NEGR1: variants seen among roughly 807,000 people sequenced by gnomAD.
NEGR1 encodes IgLON family member 4.
A neutral mutation model predicts 40.9 loss-of-function variants in NEGR1; 10 were observed. The observed-to-expected ratio is 0.24, with a 90% confidence interval of 0.15 to 0.42. The LOEUF is 0.42. Among genes scored for constraint, NEGR1 ranks in the 10% least tolerant of loss-of-function variants. The pLI, the probability that NEGR1 is intolerant of heterozygous loss-of-function variation, is 1.00. For missense variants in NEGR1, 352 were observed against 438.9 expected (o/e 0.80, Z 1.77); for synonymous variants, 185 against 166.8 (o/e 1.11, Z -0.84).
chr1:71,570,768 C>G lies in NEGR1; in HGVS notation c.940+22049G>C, dbSNP rs143555505. ...ACCAATTAAATTTGTTCAAACAAGT[C>G]ATCATAGTTTATAGGAGAAAATTAA... On this transcript the variant is annotated intron_variant, in intron 6 of 6. Coordinates refer to ENST00000357731, the MANE Select transcript of NEGR1 (RefSeq NM_173808.3). Among the ~76,000 whole-genome samples, 223 of 152,142 alleles carry G rather than the reference C, an allele frequency of 1.5e-3. 1 individual carries two copies. Among genetic ancestry groups the G allele is most frequent in the African/African-American group, 5.2e-3 (214 of 41,498 alleles).
At chr1:72,106,331 C>A (rs1649132271) in intron 1 of NEGR1, among the ~76,000 whole-genome samples, 1 of 151,904 alleles carries the variant, frequency 6.6e-6, no homozygotes, top group African/African-American at 2.4e-5. Context: ...ATGTTAGAAC[C>A]CTCAAATTCA....
chr1:71,424,168 A>G, intron 6 of NEGR1, among the ~76,000 whole-genome samples: 1 of 152,162 alleles, frequency 6.6e-6, no homozygotes, highest in East Asian at 1.9e-4. Flanking sequence ...TGATTAATCA[A>G]TTCAATCAAT....
At chr1:71,496,042 G>C (rs1281980259) in intron 6 of NEGR1, among the ~76,000 whole-genome samples, 2 of 152,076 alleles carry the variant, frequency 1.3e-5, no homozygotes, top group African/African-American at 4.8e-5. Flanking sequence ...AATTTTATAT[G>C]AGCAAGACCA....
In NEGR1 at chr1:71,698,008, A is replaced by G; in HGVS notation, c.667T>C (p.Phe223Leu). The change falls in exon 4 of 7, where the codon TTT (phenylalanine) becomes CTT (leucine). Residue 223 changes from phenylalanine (F) to leucine (L), a missense_variant and splice_region_variant. Coordinates refer to ENST00000357731, the MANE Select transcript of NEGR1 (RefSeq NM_173808.3). ...DVRKVKVVVN[F>L]APTIQEIKSG... ...CTTGATAAAAGGTGATGACACTTACAGTTGACAACAACTTTTACTTTCCTC... is the reference window on the plus strand; with the variant it reads ...CTTGATAAAAGGTGATGACACTTACGGTTGACAACAACTTTTACTTTCCTC... The G allele has an allele frequency of 6.2e-7, 1 of 1,610,444 alleles. No homozygotes were observed.
chr1:71,555,724 T>C (rs1426657144), intron 6 of NEGR1, among the ~76,000 whole-genome samples: 1 of 151,600 alleles, frequency 6.6e-6, no homozygotes, highest in African/African-American at 2.4e-5. Context: ...AGTAAGACTG[T>C]ATGTATTCCC....
At chr1:71,421,716 A>C (rs924547680) in intron 6 of NEGR1, among the ~76,000 whole-genome samples, 1 of 152,106 alleles carries the variant, frequency 6.6e-6, no homozygotes, top group African/African-American at 2.4e-5. Context: ...GTAAGACTTA[A>C]AGAAAGCAAG....
At chr1:72,225,468 TC>T (rs1002427388) in intron 1 of NEGR1, among the ~76,000 whole-genome samples, 2 of 151,726 alleles carry the variant, frequency 1.3e-5, no homozygotes, top group African/African-American at 4.8e-5. Flanking sequence ...AAATTATTTT[TC>T]AATGTATTTA....
At chr1:72,202,181 A>G (rs1024881297) in intron 1 of NEGR1, among the ~76,000 whole-genome samples, 3 of 151,966 alleles carry the variant, frequency 2.0e-5, no homozygotes, top group African/African-American at 7.2e-5. Flanking sequence ...ATCATGAACC[A>G]TGCTCATATA....
intron 1 of NEGR1, among the ~76,000 whole-genome samples, chr1:72,233,015 G>T (rs1654424824): frequency 6.6e-6 from 1 of 152,146 alleles, no homozygotes; most frequent in Admixed American, 6.5e-5. Context: ...ATTGGGTAAA[G>T]ATACCTCTGT....
chr1:72,013,722 G>C (rs1233220355), intron 1 of NEGR1, among the ~76,000 whole-genome samples: 1 of 151,566 alleles, frequency 6.6e-6, no homozygotes, highest in Non-Finnish European at 1.5e-5. Flanking sequence ...TACCAATTTT[G>C]ATGTAGTTAA....
chr1:71,508,699 T>A (rs1647052094), intron 6 of NEGR1, among the ~76,000 whole-genome samples: 1 of 152,160 alleles, frequency 6.6e-6, no homozygotes, highest in Non-Finnish European at 1.5e-5. Flanking sequence ...TGAGATAATG[T>A]ATGGTGGACT....
chr1:72,226,575 A>G (rs1210546851), intron 1 of NEGR1, among the ~76,000 whole-genome samples: 1 of 152,048 alleles, frequency 6.6e-6, no homozygotes, highest in Non-Finnish European at 1.5e-5. Flanking sequence ...ATAAATATGT[A>G]CATTCAAAAT....
At chr1:71,552,261 T>A (rs1487243004) in intron 6 of NEGR1, among the ~76,000 whole-genome samples, 5 of 151,032 alleles carry the variant, frequency 3.3e-5, no homozygotes. Flanking sequence ...AACTCTAATG[T>A]TTTCCTTTAG....
intron 6 of NEGR1, among the ~76,000 whole-genome samples, chr1:71,560,429 T>TATATATATATATA (rs1648410237): frequency 8.8e-6 from 1 of 114,266 alleles, no homozygotes; most frequent in Non-Finnish European, 1.8e-5. Flanking sequence ...TAATTCTCCA[T>TATATATATATATA]TATATATATA....
chr1:72,187,221 TA>T (rs1254647337), intron 1 of NEGR1, among the ~76,000 whole-genome samples: 1 of 151,494 alleles, frequency 6.6e-6, no homozygotes, highest in African/African-American at 2.4e-5. Context: ...CTTCCCTCTA[TA>T]AAGCTCAGCC....
chr1:71,696,765 T>C (rs766765129), intron 4 of NEGR1, among the ~76,000 whole-genome samples: 2 of 151,748 alleles, frequency 1.3e-5, no homozygotes, highest in Non-Finnish European at 2.9e-5. Flanking sequence ...GGCCATACAC[T>C]CCCAACCCCA....
chr1:71,400,465 T>G lies in NEGR1; in HGVS notation c.*6981A>C, dbSNP rs1569827136. The G allele has an allele frequency of 6.6e-6, 1 of 152,174 alleles. No homozygotes were observed. Among genetic ancestry groups the G allele is most frequent in the African/African-American group, 2.4e-5 (1 of 41,440 alleles). The allele number at this position is 152,174 out of a possible 1,614,324, so 9.4% of individuals were successfully genotyped here. ...ACAAAAAAAAAAAGACTTTTTCTGT[T>G]AATTCTTTTTAACAAGTGCCCAAAA... On this transcript the variant is annotated 3_prime_UTR_variant, in exon 7 of 7. Transcript: ENST00000357731.
chr1:72,207,061 A>G (rs1267950875), intron 1 of NEGR1, among the ~76,000 whole-genome samples: 1 of 151,512 alleles, frequency 6.6e-6, no homozygotes, highest in Non-Finnish European at 1.5e-5. Context: ...TGTTTGAAGA[A>G]CATGTTTAGG....
chr1:72,168,159 A>T (rs1651834550), intron 1 of NEGR1, among the ~76,000 whole-genome samples: 1 of 151,930 alleles, frequency 6.6e-6, no homozygotes. Flanking sequence ...GACTACAGGC[A>T]TGTGCTGCCA....
Sources: allele counts gnomAD v4.1 joint callset (sites outside exome capture counted in the v4.1 genomes callset), GRCh38; gene constraint gnomAD v4.1.1; transcripts MANE v1.5; gene names NCBI Gene and HGNC (gene_info 2026-07-23, HGNC 2026-07-21).